The following CFAP77 variants were observed in gnomAD, a reference collection of about 807,000 sequenced individuals.
CFAP77 encodes cilia- and flagella-associated protein 77.
In CFAP77, 25 loss-of-function variants were observed where a neutral mutation model predicts 31.1. The ratio of observed to expected loss-of-function variants is 0.80; its 90% CI spans 0.59 to 1.12. The LOEUF is 1.12. Ranked by LOEUF, CFAP77 falls within the 50% of genes most tolerant of loss-of-function variation. The probability of loss-of-function intolerance (pLI) is 0.00; values close to 1 mark genes in which losing one functional copy is unlikely to be tolerated. For missense variants in CFAP77, 377 were observed against 397.3 expected (o/e 0.95, Z 0.44); for synonymous variants, 151 against 159.9 (o/e 0.94, Z 0.42).
chr9:132,514,972 C>T (rs1852120546), intron 3 of CFAP77, among the ~76,000 whole-genome samples: 1 of 152,142 alleles, frequency 6.6e-6, no homozygotes, highest in Non-Finnish European at 1.5e-5. Flanking sequence ...CCCAGCCCGC[C>T]CCAGCTCTCT....
rs1453955145 is a variant in CFAP77 at position 132,542,975 on chromosome 9, GAGCAGTCAGCTGAGGAAGTACA to G, written c.664_685del (p.Ser222ArgfsTer3). 6.2e-7 allele frequency: 1 copy of G among 1,614,150 alleles called. No individual in the cohort carries two copies. The highest frequency in any genetic ancestry group is 2.2e-5 in the East Asian group (1 of 44,884). The stretch of plus-strand genomic sequence containing the variant: ...TCCTTGGGAAGCTGTATGAGACCCG[GAGCAGTCAGCTGAGGAAGTACA>G]AGCCGCCCGTGAAGCTGGACACCCT... On this transcript the variant is annotated frameshift_variant, in exon 5 of 6. Transcript: ENST00000393216. LOFTEE classifies it high-confidence loss of function.
chr9:132,461,032 G>A (rs1411849543), intron 1 of CFAP77, among the ~76,000 whole-genome samples: 1 of 151,994 alleles, frequency 6.6e-6, no homozygotes, highest in Non-Finnish European at 1.5e-5. Context: ...GGCCAAAAGG[G>A]TCAATTTTAT....
intron 1 of CFAP77, among the ~76,000 whole-genome samples, chr9:132,448,742 A>G (rs1277343936): frequency 6.6e-6 from 1 of 152,130 alleles, no homozygotes; most frequent in African/African-American, 2.4e-5. Flanking sequence ...ATGCACCACC[A>G]TATCCAGCTA....
rs371636292 is a variant in CFAP77, at chr9:132,572,371, T to G, written c.733-17T>G. 1.9e-6 allele frequency: 3 copies of G among 1,611,516 alleles called. No individual in the cohort carries two copies. In the African/African-American group the frequency reaches 4.0e-5, roughly 22 times the overall value. ...GAAGTCTCCCCTCACCCACCCACTC[T>G]TCCCTTCTATCCACAGGTGGGCCGC... On this transcript the variant is annotated splice_polypyrimidine_tract_variant and intron_variant, in intron 5 of 5. Coordinates refer to ENST00000393216, the MANE Select transcript of CFAP77 (RefSeq NM_001282957.2).
At chr9:132,568,556 C>CAAAAAA (rs34754814) in intron 5 of CFAP77, among the ~76,000 whole-genome samples, 1 of 90,056 alleles carries the variant, frequency 1.1e-5, no homozygotes. Context: ...AACTCCGCCT[C>CAAAAAA]AAAAAAAAAA....
At chr9:132,543,094 C>G (rs759002753) in intron 5 of CFAP77, 47 bp downstream of exon 5, 4 of 1,514,230 alleles carry the variant, frequency 2.6e-6, no homozygotes, top group African/African-American at 1.4e-5. Flanking sequence ...TTGCTGGCTG[C>G]CGCTCACCTT....
intron 4 of CFAP77, 46 bp from the exon 5 acceptor site, chr9:132,542,900 A>G: frequency 6.7e-7 from 1 of 1,489,424 alleles, no homozygotes; most frequent in South Asian, 1.1e-5. Flanking sequence ...GGCCTTCTCC[A>G]AGTAGCCGGG....
Position 132,410,277 on chromosome 9 carries a change from A to G in CFAP77, c.6A>G (p.Pro2=). Residue 2 remains proline, a synonymous_variant, in exon 1 of 6, where the codon CCA becomes CCG. Coordinates refer to ENST00000393216, the MANE Select transcript of CFAP77 (RefSeq NM_001282957.2). ...GCTCCCCGGCGACCTCAAGGATGCC[A>G]GAGGCCAGGAGCTCCGGCCCGGACC... is the stretch of plus-strand genomic sequence containing the variant. M[P]EARSSGPDLT... is the part of the protein sequence containing the mutation. 1 of 1,567,720 alleles carries G rather than the reference A, an allele frequency of 6.4e-7. No homozygotes were observed. The highest frequency in any genetic ancestry group is 8.6e-7 in the Non-Finnish European group (1 of 1,158,832).
chr9:132,524,861 G>T (rs1344824025), intron 3 of CFAP77, among the ~76,000 whole-genome samples: 2 of 147,826 alleles, frequency 1.4e-5, no homozygotes, highest in African/African-American at 4.9e-5. Context: ...TGTTAGCTAC[G>T]ATGGTCTCGA....
intron 1 of CFAP77, among the ~76,000 whole-genome samples, chr9:132,427,778 T>G (rs1358530057): frequency 6.6e-6 from 1 of 152,234 alleles, no homozygotes; most frequent in Admixed American, 6.5e-5. Context: ...CCTGTAAAGG[T>G]GTCTATGTCC....
At chr9:132,548,376 A>G (rs936213028) in intron 5 of CFAP77, among the ~76,000 whole-genome samples, 1 of 152,026 alleles carries the variant, frequency 6.6e-6, no homozygotes, top group Non-Finnish European at 1.5e-5. Flanking sequence ...AAAACCAGTA[A>G]GGCTATTTTT....
intron 1 of CFAP77, among the ~76,000 whole-genome samples, chr9:132,479,109 C>G (rs1311297217): frequency 6.6e-6 from 1 of 152,184 alleles, no homozygotes; most frequent in African/African-American, 2.4e-5. Flanking sequence ...AGGAGCAGCA[C>G]AGGGCTTGGT....
intron 1 of CFAP77, among the ~76,000 whole-genome samples, chr9:132,460,170 C>T (rs1397486377): frequency 6.6e-6 from 1 of 152,148 alleles, no homozygotes; most frequent in Non-Finnish European, 1.5e-5. Context: ...CCTGCTGTTG[C>T]TCTCTCTGCC....
chr9:132,482,845 T>C (rs141868419), intron 1 of CFAP77, among the ~76,000 whole-genome samples: 6,332 of 145,868 alleles, frequency 0.043, 519 homozygotes, highest in African/African-American at 0.16. Flanking sequence ...GAGATATACC[T>C]AAGGCTAAAT....
At chr9:132,560,332 C>G (rs1031658824) in intron 5 of CFAP77, among the ~76,000 whole-genome samples, 1 of 152,192 alleles carries the variant, frequency 6.6e-6, no homozygotes, top group African/African-American at 2.4e-5. Flanking sequence ...CACTACAACT[C>G]TCATTCACCT....
chr9:132,469,955 T>C (rs1311704789), intron 1 of CFAP77, among the ~76,000 whole-genome samples: 1 of 151,446 alleles, frequency 6.6e-6, no homozygotes, highest in African/African-American at 2.4e-5. Context: ...TTCTCCTGCC[T>C]CAACCTCCCA....
Position 132,497,332 on chromosome 9 carries a change from C to A in CFAP77, c.196-1363C>A, listed in dbSNP as rs374473289. ...GGAGCTGGAGAGAGGGGGATATAGA[C>A]GAGATGGCAGGAGACAGCGAGGCCA... On this transcript the variant is annotated intron_variant, in intron 1 of 5. Coordinates refer to ENST00000393216, the MANE Select transcript of CFAP77 (RefSeq NM_001282957.2). The surrounding 1 kb of genome is among the most constrained non-coding windows in gnomAD (Gnocchi z 4.9). Among the ~76,000 whole-genome samples the A allele has an allele frequency of 6.6e-6, 1 of 152,198 alleles. No homozygotes were observed. Among genetic ancestry groups the A allele is most frequent in the East Asian group, 1.9e-4 (1 of 5,186 alleles).
intron 1 of CFAP77, among the ~76,000 whole-genome samples, chr9:132,440,180 T>A (rs1738271048): frequency 6.6e-6 from 1 of 151,130 alleles, no homozygotes; most frequent in South Asian, 2.1e-4. Context: ...AAAATAAAAA[T>A]AAAAAAATTA....
At chr9:132,486,018 A>ATATATGTATATGTATGTGTGTGTG (rs1851537209) in intron 1 of CFAP77, among the ~76,000 whole-genome samples, 1 of 37,560 alleles carries the variant, frequency 2.7e-5, no homozygotes, top group African/African-American at 2.8e-4. Flanking sequence ...ATATATATAT[A>ATATATGTATATGTATGTGTGTGTG]TATATATATA....
Sources: allele counts gnomAD v4.1 joint callset (sites outside exome capture counted in the v4.1 genomes callset), GRCh38; gene constraint gnomAD v4.1.1; non-coding constraint Gnocchi (gnomAD v3.1); transcripts MANE v1.5; gene names NCBI Gene and HGNC (gene_info 2026-07-23, HGNC 2026-07-21).